The following KIF15 variants were observed in gnomAD, a reference collection of about 807,000 sequenced individuals.
KIF15 encodes the protein kinesin family member 15, also known as kinesin-like protein KIF15.
KIF15 carries 140 observed loss-of-function variants against 190.6 expected under a neutral mutation model. That is an observed-to-expected ratio of 0.73 (90% CI 0.64 to 0.84). The LOEUF (loss-of-function observed/expected upper bound fraction) is 0.84, where lower values mean the gene tolerates loss of function less well. Among genes scored for constraint, KIF15 ranks in the 40% least tolerant of loss-of-function variants. KIF15 has a pLI of 0.00. For missense variants in KIF15, 1,372 were observed against 1,584.4 expected, an observed-to-expected ratio of 0.87 and a Z score of 2.28; for synonymous variants, 528 against 551.3, an observed-to-expected ratio of 0.96 and a Z score of 0.59.
At chr3:44,835,155 A>G (rs1039773496) in intron 26 of KIF15, among the ~76,000 whole-genome samples, 1 of 152,138 alleles carries the variant, frequency 6.6e-6, no homozygotes, top group Admixed American at 6.5e-5. Flanking sequence ...GACTTCAATA[A>G]AAGGATCTAA....
At chr3:44,860,214 G>C (rs1382584303) in intron 6 of KIF15, among the ~76,000 whole-genome samples, 1 of 152,128 alleles carries the variant, frequency 6.6e-6, no homozygotes, top group African/African-American at 2.4e-5. Context: ...ATGCAGAGTT[G>C]ATCAATGCAA....
intron 1 of KIF15, among the ~76,000 whole-genome samples, chr3:44,762,942 T>A (rs554912120): frequency 5.9e-5 from 9 of 152,348 alleles, no homozygotes; most frequent in African/African-American, 2.2e-4. Flanking sequence ...GTTTCCACTT[T>A]ATGGATCAGT....
rs1575679072 is a variant in KIF15, at chr3:44,841,196, T to G, written c.3543T>G (p.Asn1181Lys). The G allele has an allele frequency of 1.2e-6, 2 of 1,612,274 alleles. No homozygotes were observed. Among genetic ancestry groups the G allele is most frequent in the African/African-American group, 1.3e-5 (1 of 74,822 alleles). The change falls in exon 29 of 35, where the codon AAT becomes AAG. Residue 1181 changes from asparagine to lysine, a missense_variant. Physicochemically the swap from Asn to Lys is moderately conservative, Grantham distance 94 (BLOSUM62 0). Transcript: ENST00000326047. ...TGGAACACCTTGTAACAAAGCTAAATGAAGACAGAGAAGTCAAAAATGCTG... is the reference window on the plus strand; with the variant it reads ...TGGAACACCTTGTAACAAAGCTAAAGGAAGACAGAGAAGTCAAAAATGCTG... The part of the protein sequence containing the change: ...TSLEHLVTKL[N>K]EDREVKNAEI...
chr3:44,867,989 TTAAA>T (rs1431458687), intron 6 of KIF15, among the ~76,000 whole-genome samples: 2 of 152,250 alleles, frequency 1.3e-5, no homozygotes, highest in African/African-American at 4.8e-5. Flanking sequence ...CTTACTCTTT[TTAAA>T]AGTGTGCAAT....
At chr3:44,772,000 T>C (rs979094856) in intron 1 of KIF15, among the ~76,000 whole-genome samples, 1 of 152,238 alleles carries the variant, frequency 6.6e-6, no homozygotes, top group African/African-American at 2.4e-5. Context: ...ATTAAAGTCA[T>C]GTGAACTAAA....
At chr3:44,821,489 C>T (rs1477168562) in intron 20 of KIF15, among the ~76,000 whole-genome samples, 5 of 147,996 alleles carry the variant, frequency 3.4e-5, no homozygotes, top group African/African-American at 7.5e-5. Context: ...CCAGACGGGG[C>T]GGCGGGGCAG....
chr3:44,767,723 G>A (rs1448539949), intron 1 of KIF15, among the ~76,000 whole-genome samples: 8 of 151,392 alleles, frequency 5.3e-5, no homozygotes, highest in African/African-American at 9.7e-5. Flanking sequence ...GTGAAACCCC[G>A]TCTCCACTAA....
intron 19 of KIF15, among the ~76,000 whole-genome samples, chr3:44,814,067 C>T (rs1218839882): frequency 6.6e-6 from 1 of 151,982 alleles, no homozygotes; most frequent in Non-Finnish European, 1.5e-5. Flanking sequence ...TTATTTTTCC[C>T]TTCATTAAAG....
intron 11 of KIF15, among the ~76,000 whole-genome samples, chr3:44,800,884 C>T (rs1249650423): frequency 6.6e-6 from 1 of 151,920 alleles, no homozygotes; most frequent in Non-Finnish European, 1.5e-5. Flanking sequence ...TCTACTTCTA[C>T]TTCTGTTACA....
intron 4 of KIF15, among the ~76,000 whole-genome samples, chr3:44,780,253 GT>G (rs1159067969): frequency 6.6e-6 from 1 of 151,788 alleles, no homozygotes; most frequent in African/African-American, 2.4e-5. Context: ...TTTACTTTTA[GT>G]TTTTTGTTAC....
intron 29 of KIF15, among the ~76,000 whole-genome samples, chr3:44,842,040 G>A (rs1028295016): frequency 5.3e-5 from 8 of 152,114 alleles, no homozygotes; most frequent in South Asian, 4.1e-4. Context: ...ATCTTTGTCC[G>A]TTTAATAGCT....
chr3:44,763,210 G>A (rs1705222602), intron 1 of KIF15, among the ~76,000 whole-genome samples: 1 of 152,226 alleles, frequency 6.6e-6, no homozygotes, highest in South Asian at 2.1e-4. Context: ...CAGCAGCCCA[G>A]AGGCCTGGAG....
rs1706268651 is a variant in KIF15, at chr3:44,783,589, T to G, written c.362-1256T>G. 6.2e-5 allele frequency among the ~76,000 whole-genome samples: 5 copies of G among 81,202 alleles called. No individual in the cohort carries two copies. In the South Asian group the frequency reaches 2.4e-3, roughly 40 times the overall value. 53.3% of individuals were successfully genotyped at this position (81,202 alleles called of 152,430 possible). On this transcript the variant is annotated intron_variant, in intron 5 of 34. Transcript: ENST00000326047. ...ATTGGGGCAAAACATACTATATCTT[T>G]ATATAATATATTCTTCAATGGGAAA...
intron 19 of KIF15, among the ~76,000 whole-genome samples, chr3:44,813,925 A>G (rs1003992255): frequency 6.6e-6 from 1 of 152,124 alleles, no homozygotes; most frequent in African/African-American, 2.4e-5. Flanking sequence ...GCCTGCTTAA[A>G]GTTTTAGATA....
At position 44,801,903 on chromosome 3, in the gene KIF15, G is replaced by T; in HGVS notation, c.1438G>T (p.Gly480Cys). The T allele has an allele frequency of 6.2e-7, 1 of 1,613,922 alleles. No homozygotes were observed. Among genetic ancestry groups the T allele is most frequent in the South Asian group, 1.1e-5 (1 of 91,056 alleles). Residue 480 changes from glycine (G) to cysteine (C), a missense_variant, in exon 13 of 35, where the codon GGT (glycine) becomes TGT (cysteine). Transcript: ENST00000326047. ...AAAGCTCCACAAGGAATCCCGGGGA[G>T]GTTTTCTGCCTGAGGAGCAGGATCG... Reference protein sequence around the residue: ...LEKLHKESRGGFLPEEQDRLL... With the variant: ...LEKLHKESRGCFLPEEQDRLL...
At chr3:44,837,985 G>T (rs1437812424) in intron 26 of KIF15, among the ~76,000 whole-genome samples, 4 of 152,156 alleles carry the variant, frequency 2.6e-5, no homozygotes, top group African/African-American at 9.7e-5. Flanking sequence ...AGGGAGATTG[G>T]CTTGAGATCC....
intron 4 of KIF15, 51 bp from the exon 5 acceptor site, chr3:44,780,834 G>A (rs1391353263): frequency 3.3e-6 from 4 of 1,207,618 alleles, no homozygotes; most frequent in African/African-American, 1.5e-5. Context: ...AATAGGAGGA[G>A]TAGTCTTTTA....
intron 10 of KIF15, chr3:44,799,257 C>T (rs918915804): frequency 8.8e-6 from 4 of 456,490 alleles, no homozygotes; most frequent in African/African-American, 8.0e-5. Context: ...CACAAAAGAA[C>T]AAAACCAAGA....
chr3:44,794,227 G>T lies in KIF15; in HGVS notation c.650G>T (p.Gly217Val). ...SAAEAYQVLS[G>V]GWRNRRVAST... ...TTTCCTTTTGCATAGGTGTTGTCTG[G>T]AGGATGGAGGAATAGACGTGTGGCA... Residue 217 changes from glycine to valine, a missense_variant, in exon 8 of 35, where the codon GGA (glycine) becomes GTA (valine). Transcript: ENST00000326047. 1.9e-6 allele frequency: 3 copies of T among 1,613,200 alleles called. No homozygotes were observed. The highest frequency in any genetic ancestry group is 2.5e-6 in the Non-Finnish European group (3 of 1,179,522).
Sources: allele counts gnomAD v4.1 joint callset (sites outside exome capture counted in the v4.1 genomes callset), GRCh38; gene constraint gnomAD v4.1.1; transcripts MANE v1.5; gene names NCBI Gene and HGNC (gene_info 2026-07-23, HGNC 2026-07-21).